Variants in HOPX observed in about 807,000 individuals in gnomAD.
HOPX encodes the protein HOP homeobox.
HOPX carries 5 observed loss-of-function variants against 11.8 expected under a neutral mutation model. That is an observed-to-expected ratio of 0.43 (90% CI 0.22 to 0.89). HOPX has a LOEUF of 0.89. HOPX is among the 40% of genes least tolerant of loss of function. The probability of loss-of-function intolerance (pLI) is 0.28; values close to 1 mark genes in which losing one functional copy is unlikely to be tolerated. For synonymous variants in HOPX, 49 were observed against 49.7 expected, an observed-to-expected ratio of 0.99 and a Z score of 0.06; for missense variants, 119 against 120.0, an observed-to-expected ratio of 0.99 and a Z score of 0.04.
At chr4:56,661,401 G>T (rs191801335) in intron 1 of HOPX, among the ~76,000 whole-genome samples, 239 of 152,168 alleles carry the variant, frequency 1.6e-3, no homozygotes, top group Non-Finnish European at 2.9e-3. Flanking sequence ...TTTGAACATT[G>T]CCTCTCTGAA....
At chr4:56,663,808 CT>C (rs33939323) in intron 1 of HOPX, 90,817 of 151,940 alleles carry the variant, frequency 0.6, 28,139 homozygotes, top group Non-Finnish European at 0.67. Context: ...TGTAGGTGCT[CT>C]GTGTAGTTGC....
chr4:56,666,367 A>G (rs76191004), intron 1 of HOPX, among the ~76,000 whole-genome samples: 4,951 of 152,334 alleles, frequency 0.033, 101 homozygotes, highest in South Asian at 0.058. Flanking sequence ...TGTAGAATTA[A>G]GGATCATCCT....
At chr4:56,656,314 A>T in intron 2 of HOPX, 1 of 1,100,616 alleles carries the variant, frequency 9.1e-7, no homozygotes, top group Non-Finnish European at 1.1e-6. Flanking sequence ...GACGGGGGCG[A>T]GATAGATGAT....
chr4:56,652,409 G>C (rs1262371850), intron 3 of HOPX, among the ~76,000 whole-genome samples: 1 of 152,150 alleles, frequency 6.6e-6, no homozygotes. Context: ...TCCATTTCTG[G>C]AGGTGGGTGG....
At chr4:56,656,372 G>A in intron 2 of HOPX, 2 of 1,018,754 alleles carry the variant, frequency 2.0e-6, no homozygotes, top group Middle Eastern at 4.7e-4. Context: ...AGTGAAGGAA[G>A]CGCGGGGGTG....
intron 3 of HOPX, among the ~76,000 whole-genome samples, chr4:56,654,800 A>G (rs1413403304): frequency 6.6e-6 from 1 of 152,234 alleles, no homozygotes; most frequent in African/African-American, 2.4e-5. Context: ...TGGTGACAGG[A>G]CAAGTGCCTG....
chr4:56,664,564 AG>A (rs1392004473), intron 1 of HOPX: 1 of 152,044 alleles, frequency 6.6e-6, no homozygotes, highest in Non-Finnish European at 1.5e-5. Flanking sequence ...GGAACGGTAA[AG>A]CACAATGGTT....
chr4:56,666,023 T>C (rs1718416501), intron 1 of HOPX, among the ~76,000 whole-genome samples: 1 of 152,150 alleles, frequency 6.6e-6, no homozygotes, highest in Non-Finnish European at 1.5e-5. Context: ...CGGTGTCTGC[T>C]CTGGCTCCCT....
chr4:56,659,710 C>T (rs1014908355), intron 1 of HOPX, among the ~76,000 whole-genome samples: 5 of 152,088 alleles, frequency 3.3e-5, no homozygotes, highest in African/African-American at 9.7e-5. Flanking sequence ...AAACCTAGCA[C>T]GAGAGAGACA....
At chr4:56,657,442 C>T (rs1717826000) in intron 2 of HOPX, among the ~76,000 whole-genome samples, 1 of 152,214 alleles carries the variant, frequency 6.6e-6, no homozygotes, top group Non-Finnish European at 1.5e-5. Context: ...GTACCCAATG[C>T]TGTTATAACC....
Position 56,676,278 on chromosome 4 carries a change from A to G in HOPX, c.-84+4977T>C, listed in dbSNP as rs951795519. ...ATGACACTGTACTCCAGCCTGGGTGACAGTGAGACTCTGTCTCAAAAACAA... is the reference window on the plus strand; with the variant it reads ...ATGACACTGTACTCCAGCCTGGGTGGCAGTGAGACTCTGTCTCAAAAACAA... On this transcript the variant is annotated intron_variant, in intron 1 of 3. Coordinates refer to ENST00000420433, the MANE Select transcript of HOPX (RefSeq NM_032495.6). Among the ~76,000 whole-genome samples the G allele has an allele frequency of 2.2e-4, 34 of 151,690 alleles. 1 individual carries two copies. The highest frequency in any genetic ancestry group is 8.1e-4 in the African/African-American group (33 of 40,968).
chr4:56,660,217 C>A (rs1305976544), intron 1 of HOPX, among the ~76,000 whole-genome samples: 1 of 152,118 alleles, frequency 6.6e-6, no homozygotes, highest in African/African-American at 2.4e-5. Context: ...CCTTAAATTT[C>A]CCAATGAGAA....
intron 3 of HOPX, chr4:56,649,347 C>T (rs1716932842): frequency 6.6e-6 from 1 of 152,318 alleles, no homozygotes; most frequent in South Asian, 2.1e-4. Flanking sequence ...TAAAGCATCT[C>T]CTTAATGCCC....
intron 1 of HOPX, among the ~76,000 whole-genome samples, chr4:56,672,202 C>A (rs144541886): frequency 6.6e-6 from 1 of 151,840 alleles, no homozygotes; most frequent in African/African-American, 2.4e-5. Flanking sequence ...TAACCAATAT[C>A]GAGAAATAAA....
chr4:56,668,073 C>T (rs954993223), intron 1 of HOPX, among the ~76,000 whole-genome samples: 4 of 152,120 alleles, frequency 2.6e-5, no homozygotes, highest in Non-Finnish European at 5.9e-5. Flanking sequence ...TGCAGGCGCC[C>T]ACCACCATAC....
chr4:56,675,054 C>A (rs1332283619), intron 1 of HOPX, among the ~76,000 whole-genome samples: 1 of 151,548 alleles, frequency 6.6e-6, no homozygotes, highest in East Asian at 1.9e-4. Flanking sequence ...CTATTGCTAC[C>A]CAAGCATGGC....
intron 1 of HOPX, among the ~76,000 whole-genome samples, chr4:56,667,349 A>T (rs1393864235): frequency 6.6e-6 from 1 of 152,196 alleles, no homozygotes; most frequent in Non-Finnish European, 1.5e-5. Flanking sequence ...AATTTGTTTG[A>T]CAAATCTAGC....
chr4:56,650,654 C>T (rs1717071460), intron 3 of HOPX: 1 of 1,551,028 alleles, frequency 6.4e-7, no homozygotes, highest in South Asian at 1.2e-5. Context: ...CACTGAAATC[C>T]TTTACACAGT....
At chr4:56,670,409 A>G (rs1718673141) in intron 1 of HOPX, among the ~76,000 whole-genome samples, 2 of 152,234 alleles carry the variant, frequency 1.3e-5, no homozygotes, top group Admixed American at 6.5e-5. Flanking sequence ...ACCAGAAGAG[A>G]AATGTGTACT....
Sources: gnomAD v4.1 joint callset for allele counts (sites outside exome capture counted in the v4.1 genomes callset) on GRCh38, gnomAD v4.1.1 for gene constraint, MANE v1.5 for transcripts, NCBI Gene and HGNC (gene_info 2026-07-23, HGNC 2026-07-21) for gene names.